The following PIGU variants were observed in gnomAD, a reference collection of about 807,000 sequenced individuals.
The protein encoded by PIGU is phosphatidylinositol glycan anchor biosynthesis class U, also known as GPI-anchor transamidase component PIGU.
A neutral mutation model predicts 49.9 loss-of-function variants in PIGU; 24 were observed. That is an observed-to-expected ratio of 0.48 (90% CI 0.35 to 0.68). The LOEUF (loss-of-function observed/expected upper bound fraction) is 0.68, where lower values mean the gene tolerates loss of function less well. PIGU is among the 30% of genes least tolerant of loss of function. PIGU has a pLI of 0.01. For synonymous variants in PIGU, 220 were observed against 205.7 expected, an observed-to-expected ratio of 1.07 and a Z score of -0.59; for missense variants, 490 against 532.6, an observed-to-expected ratio of 0.92 and a Z score of 0.79.
Position 34,575,227 on chromosome 20 carries a change from G to A in PIGU, c.1071C>T (p.Val357=). Residue 357 remains valine (V), a synonymous_variant, in exon 11 of 12, where the codon GTC becomes GTT. Transcript: ENST00000217446. Reference sequence around the variant, plus strand: ...AACAGACGATGATGATGCAGGTGAGGACAAAGATGTTTCTCAGGACTGCAA... The same window carrying A: ...AACAGACGATGATGATGCAGGTGAGAACAAAGATGTTTCTCAGGACTGCAA... The part of the protein sequence containing the change: ...HLYRFLRNIF[V]LTCIIIVCSL... 6.2e-7 allele frequency: 1 copy of A among 1,614,154 alleles called. No individual in the cohort carries two copies. Among genetic ancestry groups the A allele is most frequent in the Non-Finnish European group, 8.5e-7 (1 of 1,180,012 alleles).
intron 4 of PIGU, among the ~76,000 whole-genome samples, chr20:34,640,742 A>G (rs1047482076): frequency 6.6e-6 from 1 of 152,268 alleles, no homozygotes; most frequent in Non-Finnish European, 1.5e-5. Context: ...ATGCTTTTCC[A>G]TATGTAAGTT....
chr20:34,626,174 C>T (rs2146751132), intron 6 of PIGU, among the ~76,000 whole-genome samples: 1 of 152,034 alleles, frequency 6.6e-6, no homozygotes, highest in East Asian at 1.9e-4. Context: ...ATAAAGCTTT[C>T]TGTCTTTATT....
intron 7 of PIGU, 34 bp downstream of exon 7, chr20:34,616,008 C>T: frequency 6.3e-7 from 1 of 1,582,968 alleles, no homozygotes; most frequent in Non-Finnish European, 8.6e-7. Context: ...TTAAATGTCA[C>T]TTGGGTGCTG....
At chr20:34,676,197 A>G (rs550612260) in intron 1 of PIGU, among the ~76,000 whole-genome samples, 1 of 152,096 alleles carries the variant, frequency 6.6e-6, no homozygotes, top group South Asian at 2.1e-4. Context: ...TCCCTTTCAA[A>G]ACCCTACATC....
chr20:34,650,698 C>CTTTTTTTTTTTTT (rs1568658806), intron 2 of PIGU, among the ~76,000 whole-genome samples: 5 of 43,950 alleles, frequency 1.1e-4, no homozygotes, highest in South Asian at 6.9e-4. Flanking sequence ...TTCTTTTTTT[C>CTTTTTTTTTTTTT]TCTTTTTTTT....
At chr20:34,650,091 G>A (rs571388163) in intron 2 of PIGU, among the ~76,000 whole-genome samples, 51 of 151,402 alleles carry the variant, frequency 3.4e-4, no homozygotes, top group South Asian at 1.0e-3. Context: ...CTCGTGATCC[G>A]CCCGCCTCGG....
At chr20:34,607,962 T>C (rs1984677586) in intron 7 of PIGU, among the ~76,000 whole-genome samples, 2 of 152,136 alleles carry the variant, frequency 1.3e-5, no homozygotes, top group Admixed American at 1.3e-4. Context: ...TCTTTCCTTT[T>C]AATTATTTAC....
chr20:34,585,448 G>A lies in PIGU; in HGVS notation c.915C>T (p.Ala305=). 6.2e-7 allele frequency: 1 copy of A among 1,614,154 alleles called. No homozygotes were observed. The highest frequency in any genetic ancestry group is 8.5e-7 in the Non-Finnish European group (1 of 1,179,976). Residue 305 remains alanine (A), a synonymous_variant, in exon 9 of 12, where the codon GCC becomes GCT. Coordinates refer to ENST00000217446, the MANE Select transcript of PIGU (RefSeq NM_080476.5). ...INVFFYTIPL[A]IKLKEHPIFF... is the part of the protein sequence containing the mutation. ...GTCCAGCCACTTACTTTAGCTTTATGGCTAAGGGGATGGTGTAGAAGAAGA... is the reference window on the plus strand; with the variant it reads ...GTCCAGCCACTTACTTTAGCTTTATAGCTAAGGGGATGGTGTAGAAGAAGA...
At chr20:34,669,109 A>C (rs1987222725) in intron 1 of PIGU, among the ~76,000 whole-genome samples, 1 of 151,970 alleles carries the variant, frequency 6.6e-6, no homozygotes, top group African/African-American at 2.4e-5. Flanking sequence ...CTGGTCATAA[A>C]TTCCAGAGCT....
chr20:34,601,291 C>T (rs1984414941), intron 7 of PIGU, among the ~76,000 whole-genome samples: 1 of 152,046 alleles, frequency 6.6e-6, no homozygotes, highest in Non-Finnish European at 1.5e-5. Flanking sequence ...GTTTTGGAGT[C>T]AAGGTTTGCT....
intron 2 of PIGU, among the ~76,000 whole-genome samples, chr20:34,650,321 A>C (rs1986490001): frequency 6.6e-6 from 1 of 151,850 alleles, no homozygotes; most frequent in South Asian, 2.1e-4. Flanking sequence ...CCCAGGCTGG[A>C]GGGCAACGGC....
chr20:34,601,965 G>A (rs1041759844), intron 7 of PIGU, among the ~76,000 whole-genome samples: 6 of 152,204 alleles, frequency 3.9e-5, no homozygotes, highest in Admixed American at 1.3e-4. Flanking sequence ...CACAGCAAAC[G>A]CTGACTTAAA....
At chr20:34,579,389 C>G (rs2146703735) in intron 10 of PIGU, 1 of 152,296 alleles carries the variant, frequency 6.6e-6, no homozygotes, top group African/African-American at 2.4e-5. Context: ...CTTTTCTCCT[C>G]TCCACTGCAC....
At chr20:34,604,885 T>C (rs1568635660) in intron 7 of PIGU, among the ~76,000 whole-genome samples, 1 of 152,180 alleles carries the variant, frequency 6.6e-6, no homozygotes, top group Admixed American at 6.5e-5. Context: ...TCCCCTAGTG[T>C]CTGCTACTGT....
chr20:34,585,017 T>G (rs1211487367), intron 9 of PIGU, among the ~76,000 whole-genome samples: 1 of 152,130 alleles, frequency 6.6e-6, no homozygotes, highest in Non-Finnish European at 1.5e-5. Context: ...AAATTTTTTG[T>G]AGATACAGGA....
At chr20:34,667,007 C>T (rs1257882621) in intron 1 of PIGU, among the ~76,000 whole-genome samples, 1 of 151,876 alleles carries the variant, frequency 6.6e-6, no homozygotes, top group East Asian at 1.9e-4. Context: ...CAGCACCTGA[C>T]TAATTCTTAT....
At chr20:34,667,698 TGA>T (rs1358578235) in intron 1 of PIGU, among the ~76,000 whole-genome samples, 1 of 152,122 alleles carries the variant, frequency 6.6e-6, no homozygotes, top group Non-Finnish European at 1.5e-5. Context: ...TAAAAATGAA[TGA>T]GAGAAACAGA....
chr20:34,603,887 C>A (rs1984519976), intron 7 of PIGU, among the ~76,000 whole-genome samples: 1 of 151,972 alleles, frequency 6.6e-6, no homozygotes, highest in South Asian at 2.1e-4. Flanking sequence ...CACACACACA[C>A]ACCACACCCC....
At chr20:34,596,341 A>G (rs1298738024) in intron 7 of PIGU, among the ~76,000 whole-genome samples, 1 of 152,204 alleles carries the variant, frequency 6.6e-6, no homozygotes, top group East Asian at 1.9e-4. Context: ...ACCAAATGCA[A>G]TGTGGGACCT....
Sources: allele counts gnomAD v4.1 joint callset (sites outside exome capture counted in the v4.1 genomes callset), GRCh38; gene constraint gnomAD v4.1.1; transcripts MANE v1.5; gene names NCBI Gene and HGNC (gene_info 2026-07-23, HGNC 2026-07-21).